RORA: variants seen among roughly 807,000 people sequenced by gnomAD.
RORA encodes the protein RAR related orphan receptor A.
A neutral mutation model predicts 69.5 loss-of-function variants in RORA; 7 were observed. The observed-to-expected ratio is 0.10, with a 90% CI of 0.06 to 0.19. The LOEUF (loss-of-function observed/expected upper bound fraction) is 0.19, where lower values mean the gene tolerates loss of function less well. Among genes scored for constraint, RORA ranks in the 10% least tolerant of loss-of-function variants. The pLI is 1.00. For synonymous variants in RORA, 261 were observed against 240.8 expected (o/e 1.08, Z -0.78); for missense variants, 457 against 663.0 (o/e 0.69, Z 3.41).
intron 1 of RORA, among the ~76,000 whole-genome samples, chr15:61,053,614 C>G (rs1431506867): frequency 6.6e-6 from 1 of 151,812 alleles, no homozygotes; most frequent in Non-Finnish European, 1.5e-5. Flanking sequence ...CAGGGAAGAG[C>G]AAAGACCAGG....
rs188730228 is a variant in RORA, at chr15:60,961,743, G to T, written c.166+267310C>A. ...CCGGCCTCCAGGAGCACTGAGAACCGCCAGCTCAAGCCAACACAAGCACAT... is the reference window on the plus strand; with the variant it reads ...CCGGCCTCCAGGAGCACTGAGAACCTCCAGCTCAAGCCAACACAAGCACAT... On this transcript the variant is annotated intron_variant, in intron 1 of 10. Coordinates refer to ENST00000335670, the MANE Select transcript of RORA (RefSeq NM_134261.3). Among the ~76,000 whole-genome samples, 127 of 152,268 alleles carry T rather than the reference G, an allele frequency of 8.3e-4. 1 individual carries two copies. The highest frequency in any genetic ancestry group is 2.8e-3 in the African/African-American group (116 of 41,544).
intron 2 of RORA, among the ~76,000 whole-genome samples, chr15:60,633,230 C>T (rs1193308013): frequency 2.0e-5 from 3 of 152,146 alleles, no homozygotes; most frequent in Non-Finnish European, 4.4e-5. Flanking sequence ...GTGTTGGTAG[C>T]AGATAACCAC....
intron 1 of RORA, among the ~76,000 whole-genome samples, chr15:61,094,979 C>A (rs991342418): frequency 6.6e-6 from 1 of 152,202 alleles, no homozygotes; most frequent in Non-Finnish European, 1.5e-5. Context: ...TTCTTGAGAG[C>A]CCATAGTCTT....
chr15:61,149,071 G>A (rs1459133631), intron 1 of RORA, among the ~76,000 whole-genome samples: 2 of 152,200 alleles, frequency 1.3e-5, no homozygotes, highest in African/African-American at 4.8e-5. Flanking sequence ...TCCAAATGCT[G>A]AGGTGTGGCT....
intron 1 of RORA, among the ~76,000 whole-genome samples, chr15:60,973,361 A>G (rs1032974800): frequency 6.6e-6 from 1 of 152,168 alleles, no homozygotes; most frequent in African/African-American, 2.4e-5. Flanking sequence ...GCACTTGCTT[A>G]TCTCCTGATT....
At chr15:60,497,763 T>C in intron 10 of RORA, 144 bp from the exon 11 acceptor site, 1 of 694,998 alleles carries the variant, frequency 1.4e-6, no homozygotes, top group East Asian at 2.7e-5. Flanking sequence ...AGAGGATTGG[T>C]AAAAATAAAT....
intron 1 of RORA, among the ~76,000 whole-genome samples, chr15:60,816,543 T>C (rs1394164377): frequency 1.8e-5 from 2 of 112,794 alleles, no homozygotes; most frequent in Non-Finnish European, 3.6e-5. Flanking sequence ...AAACAGTATA[T>C]GTATTTATAT....
chr15:60,816,039 T>C (rs1342795226), intron 1 of RORA, among the ~76,000 whole-genome samples: 1 of 146,136 alleles, frequency 6.8e-6, no homozygotes, highest in African/African-American at 2.5e-5. Flanking sequence ...ATAGTATATA[T>C]ACTATAAAAA....
intron 1 of RORA, among the ~76,000 whole-genome samples, chr15:60,928,944 TTTC>T (rs750900133): frequency 7.2e-5 from 11 of 152,130 alleles, no homozygotes; most frequent in Admixed American, 2.0e-4. Context: ...CTTTTCTTTC[TTTC>T]TTCTTCTTCT....
chr15:60,732,664 G>A (rs1047291655), intron 1 of RORA, among the ~76,000 whole-genome samples: 5 of 151,740 alleles, frequency 3.3e-5, no homozygotes, highest in Non-Finnish European at 5.9e-5. Context: ...TTAATCACTC[G>A]TACATATCCA....
intron 1 of RORA, among the ~76,000 whole-genome samples, chr15:60,729,312 T>C (rs2071400932): frequency 6.6e-6 from 1 of 152,204 alleles, no homozygotes; most frequent in Non-Finnish European, 1.5e-5. Context: ...TTCGATCACT[T>C]TCCTTACTCC....
rs1240083881 is a variant in RORA, at chr15:61,213,748, T to TA, written c.166+15304dup. 1 of 152,234 alleles carries TA rather than the reference T, an allele frequency of 6.6e-6. No homozygotes were observed. The highest frequency in any genetic ancestry group is 1.5e-5 in the Non-Finnish European group (1 of 68,042). 9.4% of individuals were successfully genotyped at this position (152,234 alleles called of 1,614,324 possible). A position where few individuals can be genotyped will look rare whatever the true frequency, so the allele number is the denominator to read the frequency against. The stretch of plus-strand genomic sequence containing the variant: ...TATAGCATGCTACATCTTTTTAAAG[T>TA]AATGTCTTTCTTGCCCATCAATTCA... On this transcript the variant is annotated intron_variant, in intron 1 of 10. Coordinates refer to ENST00000335670, the MANE Select transcript of RORA (RefSeq NM_134261.3). This position sits in a 1 kb window ranked among gnomAD's most constrained non-coding sequence, Gnocchi z 4.1.
At chr15:61,212,853 T>C (rs2080005823) in intron 1 of RORA, among the ~76,000 whole-genome samples, 2 of 152,168 alleles carry the variant, frequency 1.3e-5, no homozygotes, top group Non-Finnish European at 2.9e-5. Context: ...CATTTCAAAA[T>C]CCATGAACAT....
At chr15:61,038,480 T>A (rs1896577104) in intron 1 of RORA, among the ~76,000 whole-genome samples, 1 of 152,138 alleles carries the variant, frequency 6.6e-6, no homozygotes, top group Non-Finnish European at 1.5e-5. Context: ...AACAGATAAT[T>A]TTACACTCAA....
intron 1 of RORA, among the ~76,000 whole-genome samples, chr15:60,790,991 C>T (rs2072408832): frequency 6.6e-6 from 1 of 151,956 alleles, no homozygotes; most frequent in African/African-American, 2.4e-5. Flanking sequence ...CAAAAAGCTT[C>T]AAAATCCAGG....
chr15:60,693,311 G>A (rs1054247215), intron 1 of RORA, among the ~76,000 whole-genome samples: 2 of 152,104 alleles, frequency 1.3e-5, no homozygotes, highest in Admixed American at 1.3e-4. Flanking sequence ...AAAATAATAA[G>A]AGCCATTTAT....
intron 1 of RORA, among the ~76,000 whole-genome samples, chr15:60,684,996 T>C (rs17303097): frequency 6.6e-6 from 1 of 152,100 alleles, no homozygotes; most frequent in African/African-American, 2.4e-5. Context: ...ACTAGGTTTA[T>C]AGTAAAATGT....
chr15:60,788,627 T>G (rs2072373540), intron 1 of RORA, among the ~76,000 whole-genome samples: 2 of 152,206 alleles, frequency 1.3e-5, no homozygotes, highest in Admixed American at 1.3e-4. Context: ...GCTTGGCCTG[T>G]GCCTCCCTCC....
At chr15:60,915,526 G>A (rs1891846961) in intron 1 of RORA, among the ~76,000 whole-genome samples, 1 of 152,190 alleles carries the variant, frequency 6.6e-6, no homozygotes. Flanking sequence ...TTCCATGGTG[G>A]CGCGAATACT....
Sources: allele counts gnomAD v4.1 joint callset (sites outside exome capture counted in the v4.1 genomes callset), GRCh38; gene constraint gnomAD v4.1.1; non-coding constraint Gnocchi (gnomAD v3.1); transcripts MANE v1.5; gene names NCBI Gene and HGNC (gene_info 2026-07-23, HGNC 2026-07-21).